Variants in RAB14 observed in about 807,000 individuals in gnomAD.
The protein encoded by RAB14 is ras-related protein Rab-14.
RAB14 carries 3 observed loss-of-function variants against 31.1 expected under a neutral mutation model. That is an observed-to-expected ratio of 0.10 (90% CI 0.04 to 0.25). The LOEUF (loss-of-function observed/expected upper bound fraction) is 0.25. Among genes scored for constraint, RAB14 ranks in the 10% least tolerant of loss-of-function variants. RAB14 has a pLI of 1.00. For synonymous variants in RAB14, 85 were observed against 84.9 expected (o/e 1.00, Z 0.00); for missense variants, 111 against 260.1 (o/e 0.43, Z 3.94).
intron 1 of RAB14, among the ~76,000 whole-genome samples, chr9:121,197,883 C>G (rs1411642971): frequency 6.6e-6 from 1 of 152,086 alleles, no homozygotes; most frequent in African/African-American, 2.4e-5. Flanking sequence ...TAAAGTACAT[C>G]TATAATACAA....
intron 1 of RAB14, among the ~76,000 whole-genome samples, chr9:121,198,183 A>G (rs1421452899): frequency 1.3e-5 from 2 of 149,576 alleles, no homozygotes; most frequent in Non-Finnish European, 2.9e-5. Flanking sequence ...TAAAAATAAA[A>G]TTTTCTCTAC....
chr9:121,181,361 G>T lies in RAB14; in HGVS notation c.*35C>A. The T allele has an allele frequency of 6.5e-7, 1 of 1,536,312 alleles. No individual in the cohort carries two copies. Among genetic ancestry groups the T allele is most frequent in the Non-Finnish European group, 8.9e-7 (1 of 1,128,496 alleles). On this transcript the variant is annotated 3_prime_UTR_variant, in exon 8 of 8. Transcript: ENST00000373840. ...AGTACTGCTTCCAACAGACAGAGGT[G>T]AAAGGTCAAATGAGGGGCCACAGCA...
chr9:121,190,395 A>G (rs1227614306), intron 4 of RAB14, among the ~76,000 whole-genome samples, 159 bp downstream of exon 4: 1 of 152,138 alleles, frequency 6.6e-6, no homozygotes, highest in African/African-American at 2.4e-5. Flanking sequence ...TCAATGTGTT[A>G]TATCAAGTTT....
At chr9:121,197,030 T>A (rs1463413636) in intron 1 of RAB14, among the ~76,000 whole-genome samples, 1 of 152,178 alleles carries the variant, frequency 6.6e-6, no homozygotes, top group Admixed American at 6.6e-5. Flanking sequence ...ACCTAGAACT[T>A]GAACCCAGGC....
At chr9:121,193,123 C>G (rs2053695868) in intron 2 of RAB14, among the ~76,000 whole-genome samples, 2 of 152,084 alleles carry the variant, frequency 1.3e-5, no homozygotes, top group African/African-American at 4.8e-5. Context: ...TCAAGCAGCC[C>G]TCAAGAACAA....
chr9:121,191,219 T>C (rs2053684226), intron 3 of RAB14, among the ~76,000 whole-genome samples: 1 of 152,188 alleles, frequency 6.6e-6, no homozygotes, highest in Non-Finnish European at 1.5e-5. Context: ...TTTAGCCTTC[T>C]TACAATCATT....
At chr9:121,200,624 C>T (rs1375689425) in intron 1 of RAB14, among the ~76,000 whole-genome samples, 1 of 152,134 alleles carries the variant, frequency 6.6e-6, no homozygotes, top group Non-Finnish European at 1.5e-5. Flanking sequence ...CCAATGCGAA[C>T]ACAGTAAAAA....
At chr9:121,198,304 C>G (rs2053729996) in intron 1 of RAB14, among the ~76,000 whole-genome samples, 1 of 152,128 alleles carries the variant, frequency 6.6e-6, no homozygotes, top group African/African-American at 2.4e-5. Context: ...TCCGCATTTA[C>G]TGATAATAAG....
intron 5 of RAB14, 46 bp downstream of exon 5, chr9:121,186,907 G>A: frequency 7.3e-7 from 1 of 1,371,904 alleles, no homozygotes. Context: ...TTTTGGGTTA[G>A]CTTAGTTCTT....
intron 1 of RAB14, among the ~76,000 whole-genome samples, chr9:121,201,325 C>T (rs1311932622): frequency 6.6e-6 from 1 of 152,110 alleles, no homozygotes; most frequent in East Asian, 1.9e-4. Context: ...TGCCCAGCCG[C>T]GCCGAGAAGG....
intron 3 of RAB14, among the ~76,000 whole-genome samples, chr9:121,191,858 A>G (rs940022102): frequency 6.6e-6 from 1 of 152,148 alleles, no homozygotes; most frequent in African/African-American, 2.4e-5. Flanking sequence ...ATTTCTCCTA[A>G]TAAGACAATC....
chr9:121,196,134 T>G (rs2053715557), intron 1 of RAB14, among the ~76,000 whole-genome samples: 1 of 152,066 alleles, frequency 6.6e-6, no homozygotes, highest in South Asian at 2.1e-4. Flanking sequence ...GCTGGTCTGG[T>G]TCAAACTCTG....
chr9:121,189,068 T>A (rs1045489015), intron 4 of RAB14, among the ~76,000 whole-genome samples: 9 of 152,134 alleles, frequency 5.9e-5, no homozygotes, highest in Non-Finnish European at 1.3e-4. Context: ...TAGTGTCTGG[T>A]TTCTTCCACT....
At chr9:121,184,220 TAC>T (rs1461052491) in intron 5 of RAB14, among the ~76,000 whole-genome samples, 1 of 152,118 alleles carries the variant, frequency 6.6e-6, no homozygotes, top group African/African-American at 2.4e-5. Context: ...TCTATGTGTA[TAC>T]ACAAGGGGCA....
chr9:121,192,812 A>T (rs955438262), intron 2 of RAB14, among the ~76,000 whole-genome samples: 3 of 152,192 alleles, frequency 2.0e-5, no homozygotes, highest in African/African-American at 7.2e-5. Flanking sequence ...ACATGAAAGC[A>T]AACTGTTCTA....
chr9:121,195,629 G>T (rs1485428260), intron 1 of RAB14, among the ~76,000 whole-genome samples: 4 of 151,950 alleles, frequency 2.6e-5, no homozygotes, highest in African/African-American at 9.7e-5. Context: ...CCAAATAAAA[G>T]AAATGATCAC....
chr9:121,191,332 T>TTA (rs1369147451), intron 3 of RAB14, among the ~76,000 whole-genome samples: 1 of 152,110 alleles, frequency 6.6e-6, no homozygotes, highest in African/African-American at 2.4e-5. Context: ...TCAGCATGTT[T>TTA]TATATATATA....
At chr9:121,185,872 C>T (rs1485033007) in intron 5 of RAB14, among the ~76,000 whole-genome samples, 1 of 152,078 alleles carries the variant, frequency 6.6e-6, no homozygotes, top group African/African-American at 2.4e-5. Flanking sequence ...CTGCTATGAA[C>T]ACCCATCTAT....
chr9:121,186,066 G>A (rs887468110), intron 5 of RAB14, among the ~76,000 whole-genome samples: 7 of 152,192 alleles, frequency 4.6e-5, no homozygotes, highest in African/African-American at 1.7e-4. Context: ...CAAATGTTGG[G>A]GGTATAAAGC....
Sources: gnomAD v4.1 joint callset for allele counts (sites outside exome capture counted in the v4.1 genomes callset) on GRCh38, gnomAD v4.1.1 for gene constraint, MANE v1.5 for transcripts, NCBI Gene and HGNC (gene_info 2026-07-23, HGNC 2026-07-21) for gene names.